The following SRGAP2 variants were observed in gnomAD, a reference collection of about 807,000 sequenced individuals.
SRGAP2 encodes SLIT-ROBO Rho GTPase-activating protein 2.
In SRGAP2, 15 loss-of-function variants were observed where a neutral mutation model predicts 57.2. The observed-to-expected ratio is 0.26, with a 90% CI of 0.18 to 0.40. SRGAP2 has a LOEUF of 0.40. Ranked by LOEUF, SRGAP2 falls within the 10% of genes least tolerant of loss-of-function variation. The probability of loss-of-function intolerance (pLI) is 1.00; values close to 1 mark genes in which losing one functional copy is unlikely to be tolerated. For synonymous variants in SRGAP2, 249 were observed against 248.0 expected (o/e 1.00, Z -0.04); for missense variants, 520 against 669.6 (o/e 0.78, Z 2.47).
At chr1:206,427,274 A>T (rs1209224521) in intron 13 of SRGAP2, among the ~76,000 whole-genome samples, 1 of 152,148 alleles carries the variant, frequency 6.6e-6, no homozygotes, top group Non-Finnish European at 1.5e-5. Context: ...TTCATAGTGG[A>T]ACCCAGTTTC....
chr1:206,451,622 A>T (rs1663312871), intron 19 of SRGAP2, among the ~76,000 whole-genome samples: 1 of 152,112 alleles, frequency 6.6e-6, no homozygotes, highest in Non-Finnish European at 1.5e-5. Flanking sequence ...TGTCATAAGG[A>T]TCCATATGAT....
At chr1:206,234,446 C>T (rs1667809891) in intron 2 of SRGAP2, among the ~76,000 whole-genome samples, 1 of 152,118 alleles carries the variant, frequency 6.6e-6, no homozygotes, top group Admixed American at 6.5e-5. Context: ...TGGCCTCCAT[C>T]TTTACTTTGC....
In SRGAP2 at chr1:206,230,657, C is replaced by T. The variant is rs1667575518; in HGVS notation, c.67+24620C>T. Among the ~76,000 whole-genome samples the T allele has an allele frequency of 2.0e-5, 3 of 148,616 alleles. No individual in the cohort carries two copies. The South Asian group carries it at 6.4e-4, about 32-fold the overall frequency. On this transcript the variant is annotated intron_variant, in intron 2 of 22. Coordinates refer to ENST00000573034, the MANE Select transcript of SRGAP2 (RefSeq NM_015326.5). Reference sequence around the variant, plus strand: ...TTTTTTTTTTTTTGAGACGGAGTCTCGCTCTGTCGCCCAGGCTGGAGTGCA... The same window carrying T: ...TTTTTTTTTTTTTGAGACGGAGTCTTGCTCTGTCGCCCAGGCTGGAGTGCA...
chr1:206,460,838 A>T (rs1395169319), intron 22 of SRGAP2, among the ~76,000 whole-genome samples, 199 bp from the exon 23 acceptor site: 1 of 152,126 alleles, frequency 6.6e-6, no homozygotes, highest in South Asian at 2.1e-4. Context: ...GAAAAAAAAA[A>T]ATCTCATGAC....
chr1:206,452,986 T>TGTG (rs1234178886), intron 19 of SRGAP2, among the ~76,000 whole-genome samples: 2 of 150,602 alleles, frequency 1.3e-5, no homozygotes, highest in East Asian at 3.9e-4. Flanking sequence ...GAGGGAACAG[T>TGTG]GTGAGCAAAG....
chr1:206,234,480 C>G (rs1553307750), intron 2 of SRGAP2, among the ~76,000 whole-genome samples: 2 of 152,096 alleles, frequency 1.3e-5, no homozygotes, highest in Non-Finnish European at 2.9e-5. Flanking sequence ...TTGATGAGTC[C>G]TTGATGTTGA....
chr1:206,416,402 A>G (rs375560368), intron 11 of SRGAP2, among the ~76,000 whole-genome samples: 2 of 152,336 alleles, frequency 1.3e-5, no homozygotes, highest in East Asian at 3.9e-4. Context: ...GAATCCTCAA[A>G]TGCAGGAGGG....
chr1:206,340,476 TTGTG>T (rs1449989707), intron 3 of SRGAP2, among the ~76,000 whole-genome samples: 58 of 151,794 alleles, frequency 3.8e-4, no homozygotes, highest in Non-Finnish European at 7.8e-4. Context: ...GTGGCATTAT[TTGTG>T]TGTATGTAAA....
At chr1:206,422,835 C>T (rs57835087) in intron 13 of SRGAP2, among the ~76,000 whole-genome samples, 1,952 of 152,304 alleles carry the variant, frequency 0.013, 43 homozygotes, top group African/African-American at 0.044. Flanking sequence ...GTAGGAGTTA[C>T]AAGATATACC....
intron 2 of SRGAP2, chr1:206,214,811 GAAAA>G: frequency 1.4e-5 from 2 of 143,768 alleles, no homozygotes; most frequent in African/African-American, 2.6e-5. Flanking sequence ...AAAAAAAAAA[GAAAA>G]GAAAGAAAGA....
At position 206,450,443 on chromosome 1, in the gene SRGAP2, A is replaced by G; in HGVS notation, c.2157A>G (p.Ala719=). ...SVEDSTQDVT[A]EHHTSDDECE... ...AAGACTCAACCCAGGATGTGACCGC[A>G]GAGCACCACACGAGCGATGACGGTA... The change falls in exon 19 of 23, where the codon GCA becomes GCG. Residue 719 remains alanine (A), a synonymous_variant. Transcript: ENST00000573034. The G allele has an allele frequency of 2.6e-6, 2 of 780,874 alleles. No homozygotes were observed. Among genetic ancestry groups the G allele is most frequent in the Non-Finnish European group, 4.8e-6 (2 of 417,966 alleles). 48.4% of individuals were successfully genotyped at this position (780,874 alleles called of 1,614,324 possible).
chr1:206,262,706 A>C (rs1201558891), intron 2 of SRGAP2, among the ~76,000 whole-genome samples: 2 of 148,520 alleles, frequency 1.3e-5, no homozygotes, highest in African/African-American at 5.0e-5. Flanking sequence ...TGCTCTAGAG[A>C]AAGTTCCAAA....
chr1:206,230,693 C>T (rs1667579900), intron 2 of SRGAP2, among the ~76,000 whole-genome samples: 1 of 141,794 alleles, frequency 7.1e-6, no homozygotes, highest in African/African-American at 2.7e-5. Flanking sequence ...GTGGTGCGAT[C>T]TCGGCTCACT....
chr1:206,341,726 G>A lies in SRGAP2; in HGVS notation c.261-1120G>A, dbSNP rs879462341. 3.3e-5 allele frequency among the ~76,000 whole-genome samples: 5 copies of A among 152,064 alleles called. No individual in the cohort carries two copies. In the East Asian group the frequency reaches 5.8e-4, roughly 18 times the overall value. Reference sequence around the variant, plus strand: ...GAAATGAGCATCTAGGGCTGGGCGCGGTGGCTCACTCCTATAATCCCAGCA... The same window carrying A: ...GAAATGAGCATCTAGGGCTGGGCGCAGTGGCTCACTCCTATAATCCCAGCA... On this transcript the variant is annotated intron_variant, in intron 3 of 22. Transcript: ENST00000573034.
At chr1:206,369,440 G>A (rs1277640755) in intron 4 of SRGAP2, among the ~76,000 whole-genome samples, 3 of 151,576 alleles carry the variant, frequency 2.0e-5, no homozygotes, top group Admixed American at 2.0e-4. Flanking sequence ...TGTTTGAGAG[G>A]ACACTGTCAA....
rs1553377327 is a variant in SRGAP2, at chr1:206,454,099, T to C, written c.2360+719T>C. 1.0e-5 allele frequency: 7 copies of C among 702,242 alleles called. No homozygotes were observed. In the East Asian group the frequency reaches 1.9e-4, roughly 19 times the overall value. 43.5% of individuals were successfully genotyped at this position (702,242 alleles called of 1,614,324 possible). A position where few individuals can be genotyped will look rare whatever the true frequency, so the allele number is the denominator to read the frequency against. ...CCCAGCTCCCCTCCCTTGGATACGA[T>C]GCTGTCAGTGTTTTTAGTCCTTCCC... On this transcript the variant is annotated intron_variant, in intron 20 of 22. Transcript: ENST00000573034. The surrounding 1 kb of genome is among the most constrained non-coding windows in gnomAD (Gnocchi z 4.3).
At chr1:206,261,068 C>G (rs1280436482) in intron 2 of SRGAP2, among the ~76,000 whole-genome samples, 2 of 149,378 alleles carry the variant, frequency 1.3e-5, no homozygotes, top group African/African-American at 5.0e-5. Context: ...ACTTAAGACC[C>G]TTTGCTTAAG....
In SRGAP2 at chr1:206,455,141, G is replaced by A. The variant is rs1314344292; in HGVS notation, c.2507+117G>A. Reference sequence around the variant, plus strand: ...GCACGTAGGGCTCCCAGCTCCCCCAGCCTAACAGTTTGCATGTGGTCATTG... The same window carrying A: ...GCACGTAGGGCTCCCAGCTCCCCCAACCTAACAGTTTGCATGTGGTCATTG... On this transcript the variant is annotated intron_variant, in intron 21 of 22. Transcript: ENST00000573034. The A allele has an allele frequency of 3.9e-6, 3 of 759,922 alleles. No homozygotes were observed. The African/African-American group carries it at 5.1e-5, about 13-fold the overall frequency. The allele number at this position is 759,922 out of a possible 1,614,324, so 47.1% of individuals were successfully genotyped here.
Position 206,464,286 on chromosome 1 carries a change from T to C in SRGAP2, c.*2866T>C, listed in dbSNP as rs1664436906. 1 of 152,640 alleles carries C rather than the reference T, an allele frequency of 6.6e-6. No individual in the cohort carries two copies. Among genetic ancestry groups the C allele is most frequent in the Non-Finnish European group, 1.5e-5 (1 of 68,032 alleles). The allele number at this position is 152,640 out of a possible 1,614,324, so 9.5% of individuals were successfully genotyped here. ...ACTTGTATGTCACATTTGTGTAAAA[T>C]GGTATATTCTTTAAAATAGTGTTGA... On this transcript the variant is annotated 3_prime_UTR_variant, in exon 23 of 23. Coordinates refer to ENST00000573034, the MANE Select transcript of SRGAP2 (RefSeq NM_015326.5).
Sources: gnomAD v4.1 joint callset for allele counts (sites outside exome capture counted in the v4.1 genomes callset) on GRCh38, gnomAD v4.1.1 for gene constraint, Gnocchi (gnomAD v3.1) non-coding constraint, MANE v1.5 for transcripts, NCBI Gene and HGNC (gene_info 2026-07-23, HGNC 2026-07-21) for gene names.